CACNA2D2: variants seen among roughly 807,000 people sequenced by gnomAD.
CACNA2D2 encodes the protein calcium voltage-gated channel auxiliary subunit alpha2delta 2, also known as voltage-dependent calcium channel subunit alpha-2/delta-2.
A neutral mutation model predicts 166.4 loss-of-function variants in CACNA2D2; 48 were observed. That is an observed-to-expected ratio of 0.29 (90% CI 0.23 to 0.37). The LOEUF is 0.37. Ranked by LOEUF, CACNA2D2 falls within the 10% of genes least tolerant of loss-of-function variation. The pLI, the probability that CACNA2D2 is intolerant of heterozygous loss-of-function variation, is 1.00. For synonymous variants in CACNA2D2, 561 were observed against 573.7 expected (o/e 0.98, Z 0.32); for missense variants, 1,122 against 1,433.0 (o/e 0.78, Z 3.50).
At chr3:50,472,981 T>C (rs1189145260) in intron 2 of CACNA2D2, among the ~76,000 whole-genome samples, 2 of 152,182 alleles carry the variant, frequency 1.3e-5, no homozygotes, top group African/African-American at 2.4e-5. Context: ...GTCTATACTT[T>C]TGTGGCCTAT....
At chr3:50,468,379 TAGTGTGTGTGTGTGTGTGTG>T (rs1317191661) in intron 2 of CACNA2D2, among the ~76,000 whole-genome samples, 101 of 68,920 alleles carry the variant, frequency 1.5e-3, no homozygotes, top group African/African-American at 4.8e-3. Context: ...TTCATCAGAA[TAGTGTGTGTGTGTGTGTGTG>T]TGTGTGTGTG....
In CACNA2D2 at chr3:50,380,901, G is replaced by A. The variant is rs587619266; in HGVS notation, c.784+94C>T. On this transcript the variant is annotated intron_variant, in intron 7 of 37. Coordinates refer to ENST00000424201, the MANE Select transcript of CACNA2D2 (RefSeq NM_006030.4). This position sits in a 1 kb window ranked among gnomAD's most constrained non-coding sequence, Gnocchi z 4.9. ...CGACTGGGCTGCCACAGACTACAGAGAAGCCACCCCGCCCCATGCCCCCAG... is the reference window on the plus strand; with the variant it reads ...CGACTGGGCTGCCACAGACTACAGAAAAGCCACCCCGCCCCATGCCCCCAG... The A allele has an allele frequency of 2.8e-4, 441 of 1,561,496 alleles. 6 individuals carry two copies. In the South Asian group the frequency reaches 5.0e-3, roughly 18 times the overall value.
At chr3:50,494,292 C>T (rs1467321000) in intron 1 of CACNA2D2, among the ~76,000 whole-genome samples, 1 of 152,296 alleles carries the variant, frequency 6.6e-6, no homozygotes, top group African/African-American at 2.4e-5. Context: ...TTTGCTGGAA[C>T]TGGTGGCAGC....
intron 1 of CACNA2D2, among the ~76,000 whole-genome samples, chr3:50,478,931 G>A (rs1174551331): frequency 1.3e-5 from 2 of 152,182 alleles, no homozygotes; most frequent in Non-Finnish European, 2.9e-5. Flanking sequence ...ACCCCAGGCT[G>A]TTGACTCTTC....
chr3:50,446,626 G>A (rs892670696), intron 2 of CACNA2D2, among the ~76,000 whole-genome samples: 23 of 152,124 alleles, frequency 1.5e-4, no homozygotes, highest in Non-Finnish European at 2.2e-4. Flanking sequence ...GCTGAGTCTC[G>A]GGTTCACAAA....
chr3:50,425,675 C>T (rs979406574), intron 3 of CACNA2D2, among the ~76,000 whole-genome samples: 1 of 152,202 alleles, frequency 6.6e-6, no homozygotes, highest in Non-Finnish European at 1.5e-5. Context: ...AGGCCCTTTC[C>T]CTCCACCTCT....
chr3:50,436,499 T>A (rs1708357176), intron 2 of CACNA2D2, among the ~76,000 whole-genome samples: 1 of 152,122 alleles, frequency 6.6e-6, no homozygotes, highest in African/African-American at 2.4e-5. Flanking sequence ...TGAGTGGGTC[T>A]CTAGGTGGCA....
intron 3 of CACNA2D2, among the ~76,000 whole-genome samples, chr3:50,413,796 G>A (rs866134219): frequency 1.3e-5 from 2 of 152,152 alleles, no homozygotes; most frequent in African/African-American, 2.4e-5. Context: ...GCAGTGAGCC[G>A]AGACCGTGCC....
chr3:50,393,209 G>A (rs574272176), intron 4 of CACNA2D2, among the ~76,000 whole-genome samples: 1 of 152,310 alleles, frequency 6.6e-6, no homozygotes, highest in African/African-American at 2.4e-5. Context: ...TCCTAGAGCA[G>A]ATGTGCCTGG....
intron 2 of CACNA2D2, among the ~76,000 whole-genome samples, chr3:50,469,006 T>C (rs565243336): frequency 2.6e-5 from 4 of 151,888 alleles, no homozygotes; most frequent in Non-Finnish European, 5.9e-5. Flanking sequence ...TTTTTCTATT[T>C]TTAGTATAGA....
At chr3:50,389,847 C>T (rs1008352981) in intron 4 of CACNA2D2, among the ~76,000 whole-genome samples, 1 of 152,204 alleles carries the variant, frequency 6.6e-6, no homozygotes, top group Non-Finnish European at 1.5e-5. Context: ...CCGCTCCCGG[C>T]CTCTCCTGCC....
intron 3 of CACNA2D2, among the ~76,000 whole-genome samples, chr3:50,428,654 C>T (rs1575671410): frequency 6.6e-6 from 1 of 152,200 alleles, no homozygotes; most frequent in African/African-American, 2.4e-5. Context: ...AACTGCATGC[C>T]GCCCCCTCCC....
chr3:50,426,469 C>G (rs970800266), intron 3 of CACNA2D2, among the ~76,000 whole-genome samples: 8 of 152,164 alleles, frequency 5.3e-5, no homozygotes, highest in African/African-American at 1.9e-4. Context: ...GGGGTGACAC[C>G]AGTCAGGACA....
chr3:50,423,790 C>G (rs1018669708), intron 3 of CACNA2D2, among the ~76,000 whole-genome samples: 5 of 152,268 alleles, frequency 3.3e-5, no homozygotes, highest in Non-Finnish European at 7.3e-5. Flanking sequence ...CAGGCCTGTG[C>G]CAGGAGGCAG....
In CACNA2D2 at chr3:50,422,328, C is replaced by T. The variant is rs183538208; in HGVS notation, c.405+11985G>A. Reference sequence around the variant, plus strand: ...GAGGCCGCCCTGGATTCTGCCAGATCTTCCACTCCACTCCCCCAGGTTGCC... The same window carrying T: ...GAGGCCGCCCTGGATTCTGCCAGATTTTCCACTCCACTCCCCCAGGTTGCC... On this transcript the variant is annotated intron_variant, in intron 3 of 37. Transcript: ENST00000424201. 1.7e-3 allele frequency among the ~76,000 whole-genome samples: 260 copies of T among 152,290 alleles called. 2 individuals are homozygous for T. The highest frequency in any genetic ancestry group is 5.8e-3 in the African/African-American group (242 of 41,550).
intron 1 of CACNA2D2, among the ~76,000 whole-genome samples, chr3:50,478,341 C>T (rs1370238388): frequency 6.6e-6 from 1 of 152,164 alleles, no homozygotes; most frequent in African/African-American, 2.4e-5. Flanking sequence ...TGTGCTCCTG[C>T]GATGGAGCCC....
chr3:50,451,417 C>T (rs750868937), intron 2 of CACNA2D2, among the ~76,000 whole-genome samples: 8 of 152,096 alleles, frequency 5.3e-5, no homozygotes, highest in Middle Eastern at 3.2e-3. Context: ...TGAGTCAACA[C>T]GCACGGCCCA....
At chr3:50,463,503 G>T (rs1316114070) in intron 2 of CACNA2D2, among the ~76,000 whole-genome samples, 10 of 152,138 alleles carry the variant, frequency 6.6e-5, no homozygotes, top group Non-Finnish European at 1.5e-4. Flanking sequence ...TTGCCATGTT[G>T]TTCAGGCTGG....
At chr3:50,445,691 T>C (rs1708811234) in intron 2 of CACNA2D2, among the ~76,000 whole-genome samples, 1 of 152,166 alleles carries the variant, frequency 6.6e-6, no homozygotes, top group Non-Finnish European at 1.5e-5. Context: ...TGAAAACACA[T>C]GCACTCTGGG....
Sources: allele counts gnomAD v4.1 joint callset (sites outside exome capture counted in the v4.1 genomes callset), GRCh38; gene constraint gnomAD v4.1.1; non-coding constraint Gnocchi (gnomAD v3.1); transcripts MANE v1.5; gene names NCBI Gene and HGNC (gene_info 2026-07-23, HGNC 2026-07-21).